The following NRP2 variants were observed in gnomAD, a reference collection of about 807,000 sequenced individuals.
The protein encoded by NRP2 is neuropilin-2.
In NRP2, 52 loss-of-function variants were observed where a neutral mutation model predicts 110.4. The ratio of observed to expected loss-of-function variants is 0.47; its 90% CI spans 0.38 to 0.59. The LOEUF is 0.59. Ranked by LOEUF, NRP2 falls within the 20% of genes least tolerant of loss-of-function variation. The pLI is 0.00. For missense variants in NRP2, 1,049 were observed against 1,203.0 expected (o/e 0.87, Z 1.89); for synonymous variants, 508 against 468.9 (o/e 1.08, Z -1.08).
intron 12 of NRP2, 66 bp downstream of exon 12, chr2:205,753,041 A>C: frequency 6.3e-7 from 1 of 1,596,204 alleles, no homozygotes; most frequent in Non-Finnish European, 8.6e-7. Context: ...CTTCAACCCC[A>C]GATTCCCTTA....
chr2:205,742,441 C>G (rs899743156), intron 8 of NRP2, among the ~76,000 whole-genome samples: 2 of 152,164 alleles, frequency 1.3e-5, no homozygotes, highest in Non-Finnish European at 2.9e-5. Context: ...AGGAAAAGAA[C>G]AGGGTGCTCT....
At chr2:205,758,407 C>T (rs2057767665) in intron 12 of NRP2, among the ~76,000 whole-genome samples, 1 of 152,190 alleles carries the variant, frequency 6.6e-6, no homozygotes, top group African/African-American at 2.4e-5. Flanking sequence ...GTAGACACAA[C>T]TGATTCCATT....
rs1257355742 is a variant in NRP2, at chr2:205,794,855, A to G, written c.2578A>G (p.Ile860Val). Residue 860 changes from isoleucine (I) to valine (V), a missense_variant, in exon 17 of 17, where the codon ATC (isoleucine) becomes GTC (valine). Ile to Val is a conservative substitution (Grantham distance 29). Coordinates refer to ENST00000357785, the MANE Select transcript of NRP2 (RefSeq NM_003872.3). The stretch of plus-strand genomic sequence containing the variant: ...GAGCTGGCTGTACACCCTGGATCCC[A>G]TCCTCATCACCATCATCGCCATGAG... ...EKSWLYTLDP[I>V]LITIIAMSSL... 1.2e-6 allele frequency: 2 copies of G among 1,613,900 alleles called. No individual in the cohort carries two copies. Among genetic ancestry groups the G allele is most frequent in the Admixed American group, 1.7e-5 (1 of 59,984 alleles).
At position 205,725,369 on chromosome 2, in the gene NRP2, G is replaced by C. The variant is rs147919892; in HGVS notation, c.821-544G>C. Among the ~76,000 whole-genome samples the C allele has an allele frequency of 6.6e-6, 1 of 152,170 alleles. No individual in the cohort carries two copies. Among genetic ancestry groups the C allele is most frequent in the East Asian group, 1.9e-4 (1 of 5,192 alleles). On this transcript the variant is annotated intron_variant, in intron 5 of 16. Coordinates refer to ENST00000357785, the MANE Select transcript of NRP2 (RefSeq NM_003872.3). This position sits in a 1 kb window ranked among gnomAD's most constrained non-coding sequence, Gnocchi z 4.1. ...GTCTATTTGTCCAGACAGGTGGTGC[G>C]GGGGAATAGAGAGTGACATGCATGT...
At chr2:205,696,776 G>A (rs902715334) in intron 1 of NRP2, among the ~76,000 whole-genome samples, 1 of 152,190 alleles carries the variant, frequency 6.6e-6, no homozygotes, top group African/African-American at 2.4e-5. Context: ...GGCAGACAGC[G>A]CAGAAGAAAC....
At chr2:205,746,144 T>C (rs2057535098) in intron 10 of NRP2, among the ~76,000 whole-genome samples, 1 of 152,120 alleles carries the variant, frequency 6.6e-6, no homozygotes, top group African/African-American at 2.4e-5. Flanking sequence ...CAAAAACAAA[T>C]CATAACCACA....
In NRP2 at chr2:205,781,216, T is replaced by TC. The variant is rs2058170356; in HGVS notation, c.2426-11014dup. The stretch of plus-strand genomic sequence containing the variant: ...CAAGACTTATTTTAAGGGTACTTAC[T>TC]CCCCCTAAAAGGGCAAGGACTGTTA... On this transcript the variant is annotated intron_variant, in intron 15 of 16. Transcript: ENST00000357785. Among the ~76,000 whole-genome samples the TC allele has an allele frequency of 3.3e-5, 5 of 152,152 alleles. No homozygotes were observed. The South Asian group carries it at 1.0e-3, about 32-fold the overall frequency.
chr2:205,706,173 T>G (rs2056671993), intron 2 of NRP2, among the ~76,000 whole-genome samples: 1 of 151,866 alleles, frequency 6.6e-6, no homozygotes, highest in Non-Finnish European at 1.5e-5. Flanking sequence ...TAATAGAGTG[T>G]CAGCGGAAGT....
intron 2 of NRP2, among the ~76,000 whole-genome samples, chr2:205,707,074 T>C (rs1379197422): frequency 1.3e-5 from 2 of 152,226 alleles, no homozygotes; most frequent in Non-Finnish European, 2.9e-5. Flanking sequence ...TCTTTCTTCA[T>C]GGTCTTATGA....
intron 2 of NRP2, among the ~76,000 whole-genome samples, chr2:205,702,115 C>G (rs1265204999): frequency 6.6e-6 from 1 of 152,110 alleles, no homozygotes; most frequent in African/African-American, 2.4e-5. Flanking sequence ...AAGTTAGCAA[C>G]TGTGTTAGCA....
At chr2:205,793,708 C>T (rs2058325610) in intron 16 of NRP2, among the ~76,000 whole-genome samples, 1 of 152,140 alleles carries the variant, frequency 6.6e-6, no homozygotes, top group Non-Finnish European at 1.5e-5. Flanking sequence ...TCTAAGGATA[C>T]CACTTTTATC....
At chr2:205,735,802 A>G (rs1447791372) in intron 7 of NRP2, among the ~76,000 whole-genome samples, 1 of 152,204 alleles carries the variant, frequency 6.6e-6, no homozygotes, top group Non-Finnish European at 1.5e-5. Context: ...TTCAGAATTC[A>G]GAGAGGCACC....
chr2:205,722,062 T>C (rs2057024162), intron 3 of NRP2, among the ~76,000 whole-genome samples: 1 of 151,958 alleles, frequency 6.6e-6, no homozygotes, highest in African/African-American at 2.4e-5. Context: ...AAGGCTTCCT[T>C]AAGGATTGAA....
intron 15 of NRP2, chr2:205,776,591 G>C (rs2058104950): frequency 5.6e-6 from 9 of 1,599,148 alleles, no homozygotes; most frequent in Non-Finnish European, 7.6e-6. Context: ...CCTCGATTTT[G>C]CACTTTTTTC....
In NRP2 at chr2:205,741,090, T is replaced by G. The variant is rs569663035; in HGVS notation, c.1291+427T>G. ...CTTGCTTTCAAATAACACTCTCTGC[T>G]GCCTCAACCGGGGGCCAAGAGCTGT... On this transcript the variant is annotated intron_variant, in intron 8 of 16. Transcript: ENST00000357785. Among the ~76,000 whole-genome samples the G allele has an allele frequency of 1.6e-4, 24 of 152,314 alleles. No individual in the cohort carries two copies. The East Asian group carries it at 4.2e-3, about 27-fold the overall frequency.
chr2:205,726,363 C>G (rs2057128817), intron 6 of NRP2, among the ~76,000 whole-genome samples: 3 of 152,118 alleles, frequency 2.0e-5, no homozygotes. Context: ...TATAGATATC[C>G]AAGGAACATT....
chr2:205,763,622 T>A lies in NRP2; in HGVS notation c.2045-52T>A. 6.2e-7 allele frequency: 1 copy of A among 1,611,046 alleles called. No homozygotes were observed. On this transcript the variant is annotated intron_variant, in intron 12 of 16. Coordinates refer to ENST00000357785, the MANE Select transcript of NRP2 (RefSeq NM_003872.3). The surrounding 1 kb of genome is among the most constrained non-coding windows in gnomAD (Gnocchi z 4.0). ...TGGAGAGGCCACAGCAGCACACTGGTGTCTTTCCCGAGTGTTTATGGAGAA... is the reference window on the plus strand; with the variant it reads ...TGGAGAGGCCACAGCAGCACACTGGAGTCTTTCCCGAGTGTTTATGGAGAA...
chr2:205,775,740 GT>G (rs2058086925), intron 15 of NRP2, among the ~76,000 whole-genome samples: 1 of 152,126 alleles, frequency 6.6e-6, no homozygotes, highest in Non-Finnish European at 1.5e-5. Context: ...ACCAAATATG[GT>G]GTTTCCACCA....
intron 11 of NRP2, among the ~76,000 whole-genome samples, chr2:205,751,602 A>G (rs1205320231): frequency 6.6e-6 from 1 of 152,102 alleles, no homozygotes; most frequent in Non-Finnish European, 1.5e-5. Flanking sequence ...CCTGTCCTGG[A>G]AAGGGAAGGC....
Sources: gnomAD v4.1 joint callset for allele counts (sites outside exome capture counted in the v4.1 genomes callset) on GRCh38, gnomAD v4.1.1 for gene constraint, Gnocchi (gnomAD v3.1) non-coding constraint, MANE v1.5 for transcripts, NCBI Gene and HGNC (gene_info 2026-07-23, HGNC 2026-07-21) for gene names.